Variants in RBPMS2 observed in about 807,000 individuals in gnomAD.
The protein encoded by RBPMS2 is RNA binding protein, mRNA processing factor 2, also known as RNA-binding protein with multiple splicing 2.
A neutral mutation model predicts 25.7 loss-of-function variants in RBPMS2; 14 were observed. The ratio of observed to expected loss-of-function variants is 0.55; its 90% CI spans 0.36 to 0.85. RBPMS2 has a LOEUF of 0.85. Among genes scored for constraint, RBPMS2 ranks in the 40% least tolerant of loss-of-function variants. The probability of loss-of-function intolerance (pLI) is 0.01; values close to 1 mark genes in which losing one functional copy is unlikely to be tolerated. For missense variants in RBPMS2, 252 were observed against 283.4 expected, an observed-to-expected ratio of 0.89 and a Z score of 0.80; for synonymous variants, 127 against 115.6, an observed-to-expected ratio of 1.10 and a Z score of -0.63.
At chr15:64,746,599 G>GGGAAGGAAGCCAACAGGA (rs1337347030) in intron 6 of RBPMS2, among the ~76,000 whole-genome samples, 1 of 152,170 alleles carries the variant, frequency 6.6e-6, no homozygotes, top group Admixed American at 6.5e-5. Context: ...GGAGAAAACT[G>GGGAAGGAAGCCAACAGGA]GGAAGGAAGC....
chr15:64,756,781 C>T (rs1264709735), intron 1 of RBPMS2, among the ~76,000 whole-genome samples: 1 of 145,452 alleles, frequency 6.9e-6, no homozygotes, highest in African/African-American at 2.5e-5. Context: ...GCTGGAATTA[C>T]AGGCGTCTGC....
At chr15:64,764,981 C>T (rs1390120412) in intron 1 of RBPMS2, among the ~76,000 whole-genome samples, 1 of 150,020 alleles carries the variant, frequency 6.7e-6, no homozygotes, top group African/African-American at 2.5e-5. Context: ...AATCCCAGCA[C>T]TTTGGGAGGC....
intron 2 of RBPMS2, among the ~76,000 whole-genome samples, chr15:64,751,147 A>G (rs1163346286): frequency 6.6e-6 from 1 of 152,154 alleles, no homozygotes; most frequent in Non-Finnish European, 1.5e-5. Context: ...AGCCTGACCA[A>G]CATGGTGAAA....
In RBPMS2 at chr15:64,757,816, C is replaced by T. The variant is rs989885158; in HGVS notation, c.88-6178G>A. Among the ~76,000 whole-genome samples the T allele has an allele frequency of 2.5e-4, 38 of 151,676 alleles. 1 individual carries two copies. The highest frequency in any genetic ancestry group is 9.2e-4 in the African/African-American group (38 of 41,374). On this transcript the variant is annotated intron_variant, in intron 1 of 7. Coordinates refer to ENST00000300069, the MANE Select transcript of RBPMS2 (RefSeq NM_194272.3). ...GCAATATAGCAAGGCCCTATCCCCC[C>T]CCACAAAAAATCAGCCAGGCGTGGT...
chr15:64,763,832 G>T (rs1287629449), intron 1 of RBPMS2, among the ~76,000 whole-genome samples: 1 of 143,344 alleles, frequency 7.0e-6, no homozygotes, highest in Non-Finnish European at 1.5e-5. Context: ...AATAGAGACT[G>T]GGGGGAACTA....
chr15:64,750,683 C>G (rs537177922), intron 2 of RBPMS2, among the ~76,000 whole-genome samples: 1 of 152,344 alleles, frequency 6.6e-6, no homozygotes, highest in South Asian at 2.1e-4. Context: ...GTTTTCTCAT[C>G]TGCAAACTGA....
In RBPMS2 at chr15:64,775,437, G is replaced by T; in HGVS notation, c.-118C>A. The stretch of plus-strand genomic sequence containing the variant: ...CGCGGGTGCGGAGCGGGTGGCGGGG[G>T]ACCCACGGGGCAGTGAGAGGGGCAG... On this transcript the variant is annotated 5_prime_UTR_variant, in exon 1 of 8. Transcript: ENST00000300069. 1 of 294,960 alleles carries T rather than the reference G, an allele frequency of 3.4e-6. No individual in the cohort carries two copies. The highest frequency in any genetic ancestry group is 5.7e-5 in the Admixed American group (1 of 17,434). 18.3% of individuals were successfully genotyped at this position (294,960 alleles called of 1,614,324 possible). A position where few individuals can be genotyped will look rare whatever the true frequency, so the allele number is the denominator to read the frequency against.
chr15:64,763,642 T>C (rs918306657), intron 1 of RBPMS2, among the ~76,000 whole-genome samples: 4 of 151,980 alleles, frequency 2.6e-5, no homozygotes, highest in African/African-American at 9.7e-5. Flanking sequence ...GAGCAACAGG[T>C]AGAACAGGTA....
intron 1 of RBPMS2, among the ~76,000 whole-genome samples, chr15:64,770,575 A>C (rs561310613): frequency 1.3e-5 from 2 of 152,292 alleles, no homozygotes; most frequent in East Asian, 3.9e-4. Context: ...CTGACCTCCT[A>C]CTGCTATATG....
At chr15:64,767,458 A>T (rs1342928967) in intron 1 of RBPMS2, among the ~76,000 whole-genome samples, 3 of 152,150 alleles carry the variant, frequency 2.0e-5, no homozygotes, top group Non-Finnish European at 4.4e-5. Flanking sequence ...GTTCTGGGTA[A>T]TCTTGGACCA....
intron 1 of RBPMS2, among the ~76,000 whole-genome samples, chr15:64,760,802 C>T (rs930919885): frequency 9.4e-5 from 14 of 148,644 alleles, no homozygotes; most frequent in Admixed American, 9.4e-4. Flanking sequence ...AACTCCATCT[C>T]GAAAAAAAAA....
intron 1 of RBPMS2, among the ~76,000 whole-genome samples, chr15:64,753,195 C>A (rs1231997481): frequency 1.3e-5 from 2 of 152,206 alleles, no homozygotes; most frequent in Non-Finnish European, 2.9e-5. Context: ...GGCCACATCT[C>A]CTCCTGCGAA....
intron 1 of RBPMS2, among the ~76,000 whole-genome samples, chr15:64,765,066 A>G (rs2083831794): frequency 6.6e-6 from 1 of 151,520 alleles, no homozygotes; most frequent in South Asian, 2.1e-4. Context: ...CTCTACTAAA[A>G]ATACAAAAAA....
At chr15:64,745,386 A>C (rs868233696) in intron 6 of RBPMS2, among the ~76,000 whole-genome samples, 2 of 152,192 alleles carry the variant, frequency 1.3e-5, no homozygotes, top group Non-Finnish European at 2.9e-5. Context: ...TCATATACTA[A>C]GTTCATTTAA....
At chr15:64,749,617 A>C in intron 3 of RBPMS2, 124 bp from the exon 4 acceptor site, 2 of 791,660 alleles carry the variant, frequency 2.5e-6, no homozygotes. Flanking sequence ...ATGAGAATAC[A>C]AAAGGAAAAA....
rs771676896 is a variant in RBPMS2, at chr15:64,741,239, G to A, written c.571C>T (p.Arg191Cys). The A allele has an allele frequency of 3.8e-6, 6 of 1,588,834 alleles. No individual in the cohort carries two copies. Among genetic ancestry groups the A allele is most frequent in the East Asian group, 2.3e-5 (1 of 43,774 alleles). Residue 191 changes from arginine to cysteine, a missense_variant, in exon 7 of 8, where the codon CGC becomes TGC. By Grantham distance (180) the Arg-to-Cys change is radical. Coordinates refer to ENST00000300069, the MANE Select transcript of RBPMS2 (RefSeq NM_194272.3). ...AAAAALHAQV[R>C]WYPSSDTTQQ... ...GTGGTGTCAGAGGAAGGGTACCAGC[G>A]CACCTGCAAGAGAAGCCAACGTCAG...
intron 1 of RBPMS2, among the ~76,000 whole-genome samples, chr15:64,767,101 T>TC (rs988089645): frequency 2.0e-5 from 3 of 152,082 alleles, no homozygotes; most frequent in African/African-American, 4.8e-5. Flanking sequence ...ACTTTTTTTT[T>TC]CTCTCTTTTT....
intron 1 of RBPMS2, among the ~76,000 whole-genome samples, chr15:64,755,218 C>T (rs2083722614): frequency 6.6e-6 from 1 of 152,072 alleles, no homozygotes; most frequent in Non-Finnish European, 1.5e-5. Context: ...TCCGATGACC[C>T]TTTTCCTCAG....
chr15:64,749,873 G>A (rs1022584250), intron 3 of RBPMS2, among the ~76,000 whole-genome samples: 1 of 152,192 alleles, frequency 6.6e-6, no homozygotes, highest in Non-Finnish European at 1.5e-5. Context: ...AAGGGCATGG[G>A]AAGACTCCGG....
Sources: gnomAD v4.1 joint callset for allele counts (sites outside exome capture counted in the v4.1 genomes callset) on GRCh38, gnomAD v4.1.1 for gene constraint, MANE v1.5 for transcripts, NCBI Gene and HGNC (gene_info 2026-07-23, HGNC 2026-07-21) for gene names.